Variants in ZNF608 observed in about 807,000 individuals in gnomAD.
ZNF608 encodes zinc finger protein 608.
ZNF608 carries 12 observed loss-of-function variants against 109.0 expected under a neutral mutation model. The observed-to-expected ratio is 0.11, with a 90% confidence interval of 0.07 to 0.18. The LOEUF is 0.18. ZNF608 is among the 10% of genes least tolerant of loss of function. The pLI is 1.00. For missense variants in ZNF608, 1,707 were observed against 1,879.3 expected, an observed-to-expected ratio of 0.91 and a Z score of 1.70; for synonymous variants, 732 against 717.4, an observed-to-expected ratio of 1.02 and a Z score of -0.33.
chr5:124,733,300 A>G (rs868029909), intron 2 of ZNF608, among the ~76,000 whole-genome samples: 1 of 149,140 alleles, frequency 6.7e-6, no homozygotes, highest in Non-Finnish European at 1.5e-5. Flanking sequence ...AGCTCTCCCA[A>G]TGGTTAAAAA....
At chr5:124,689,670 A>G (rs1051016212) in intron 3 of ZNF608, among the ~76,000 whole-genome samples, 4 of 152,222 alleles carry the variant, frequency 2.6e-5, no homozygotes, top group Non-Finnish European at 5.9e-5. Context: ...AATTGTCAAG[A>G]AAGTTCACAT....
chr5:124,718,903 A>C (rs1167987619), intron 2 of ZNF608, among the ~76,000 whole-genome samples: 2 of 152,250 alleles, frequency 1.3e-5, no homozygotes, highest in East Asian at 1.9e-4. Context: ...TTTTTAAATT[A>C]ACATGCACAA....
At chr5:124,725,426 T>G (rs1258300342) in intron 2 of ZNF608, among the ~76,000 whole-genome samples, 1 of 152,098 alleles carries the variant, frequency 6.6e-6, no homozygotes, top group Non-Finnish European at 1.5e-5. Context: ...ATATTTTTAC[T>G]AGGTATTTTT....
Position 124,648,287 on chromosome 5 carries a change from T to A in ZNF608, c.2097A>T (p.Lys699Asn). Residue 699 changes from lysine to asparagine, a missense_variant, in exon 5 of 10, where the codon AAA becomes AAT. Physicochemically the swap from Lys to Asn is moderately conservative, Grantham distance 94. Coordinates refer to ENST00000513986, the MANE Select transcript of ZNF608 (RefSeq NM_020747.3). Reference protein sequence around the residue: ...ADGSLAAEMPKLEAEGLIDKK... With the variant: ...ADGSLAAEMPNLEAEGLIDKK... ...TGTCAATTAATCCTTCTGCTTCCAG[T>A]TTAGGCATCTCAGCAGCCAAACTGC... 6.2e-7 allele frequency: 1 copy of A among 1,614,210 alleles called. No individual in the cohort carries two copies. The highest frequency in any genetic ancestry group is 8.5e-7 in the Non-Finnish European group (1 of 1,180,028).
chr5:124,669,495 C>CA (rs1188196952), intron 3 of ZNF608, among the ~76,000 whole-genome samples: 1 of 152,186 alleles, frequency 6.6e-6, no homozygotes, highest in African/African-American at 2.4e-5. Context: ...ATACTCAAAA[C>CA]AAATGGGCTG....
chr5:124,641,780 T>A (rs1444249302), intron 7 of ZNF608, among the ~76,000 whole-genome samples: 1 of 152,252 alleles, frequency 6.6e-6, no homozygotes, highest in African/African-American at 2.4e-5. Flanking sequence ...GTTTTCTAAT[T>A]ACACTTGTAT....
At position 124,647,340 on chromosome 5, in the gene ZNF608, C is replaced by T. The variant is rs1219579717; in HGVS notation, c.3044G>A (p.Gly1015Asp). The T allele has an allele frequency of 1.2e-6, 2 of 1,614,078 alleles. No homozygotes were observed. Among genetic ancestry groups the T allele is most frequent in the African/African-American group, 1.3e-5 (1 of 74,928 alleles). ...CCCACTATTTCCAGCTGCAGGGGCA[C>T]CGACCTGCCCAGGGTGCATGTAACT... is the stretch of plus-strand genomic sequence containing the variant. ...SPSYMHPGQV[G>D]APAAGNSGST... Residue 1015 changes from glycine to aspartate, a missense_variant, in exon 5 of 10, where the codon GGT becomes GAT. Physicochemically the swap from Gly to Asp is moderately conservative, Grantham distance 94. Coordinates refer to ENST00000513986, the MANE Select transcript of ZNF608 (RefSeq NM_020747.3).
intron 3 of ZNF608, among the ~76,000 whole-genome samples, chr5:124,674,769 C>A (rs1251022846): frequency 6.6e-6 from 1 of 152,110 alleles, no homozygotes; most frequent in Non-Finnish European, 1.5e-5. Context: ...CACCACCACA[C>A]CTGGCTAATT....
intron 3 of ZNF608, among the ~76,000 whole-genome samples, chr5:124,681,023 A>G (rs1367105727): frequency 2.0e-5 from 3 of 152,220 alleles, no homozygotes; most frequent in Admixed American, 2.0e-4. Flanking sequence ...TTCAACTTCT[A>G]CATAAAATGA....
chr5:124,723,917 T>C (rs1272541725), intron 2 of ZNF608, among the ~76,000 whole-genome samples: 2 of 152,068 alleles, frequency 1.3e-5, no homozygotes, highest in African/African-American at 4.8e-5. Flanking sequence ...GGTTATAAAT[T>C]ATCAATATTT....
chr5:124,711,895 C>T (rs142702275), intron 2 of ZNF608, among the ~76,000 whole-genome samples: 16 of 152,118 alleles, frequency 1.1e-4, no homozygotes, highest in South Asian at 1.0e-3. Flanking sequence ...AGTAGGGGCA[C>T]GGAAGGATTC....
intron 3 of ZNF608, among the ~76,000 whole-genome samples, chr5:124,688,761 T>C (rs146031074): frequency 6.6e-6 from 1 of 152,348 alleles, no homozygotes; most frequent in African/African-American, 2.4e-5. Flanking sequence ...CCATTGTTAA[T>C]GGAATTTAAA....
At chr5:124,704,634 C>T (rs182778006) in intron 2 of ZNF608, among the ~76,000 whole-genome samples, 75 of 152,168 alleles carry the variant, frequency 4.9e-4, no homozygotes, top group African/African-American at 1.7e-3. Context: ...TAAATTTCTC[C>T]TATTTCGTAA....
intron 3 of ZNF608, 108 bp from the exon 4 acceptor site, chr5:124,649,805 A>C: frequency 3.8e-5 from 25 of 661,810 alleles, no homozygotes; most frequent in East Asian, 6.1e-5. Context: ...TTCTATTCTC[A>C]TTTGCTTTTA....
rs149732538 is a variant in ZNF608, at chr5:124,680,869, G to A, written c.1162+20145C>T. On this transcript the variant is annotated intron_variant, in intron 3 of 9. Coordinates refer to ENST00000513986, the MANE Select transcript of ZNF608 (RefSeq NM_020747.3). ...ATAACCAAAATAGAAAATAAAAAGC[G>A]CTTAGAAATTAAAAACTACATGAGG... Among the ~76,000 whole-genome samples, 1,072 of 152,022 alleles carry A rather than the reference G, an allele frequency of 7.1e-3. 7 individuals are homozygous for A. Among genetic ancestry groups the A allele is most frequent in the Middle Eastern group, 0.031 (9 of 292 alleles).
chr5:124,698,444 A>G (rs764936994), intron 3 of ZNF608, among the ~76,000 whole-genome samples: 1 of 152,196 alleles, frequency 6.6e-6, no homozygotes, highest in Non-Finnish European at 1.5e-5. Context: ...CCTTCTTGTC[A>G]CCACAGTAAA....
chr5:124,701,347 T>C lies in ZNF608; in HGVS notation c.907-78A>G, dbSNP rs550713783. ...TAATGCAATTTGCTTATATCACTTC[T>C]AGAATATATCACCATTCCAAATTCC... On this transcript the variant is annotated intron_variant, in intron 2 of 9. Transcript: ENST00000513986. 20 of 1,525,932 alleles carry C rather than the reference T, an allele frequency of 1.3e-5. No individual in the cohort carries two copies. In the African/African-American group the frequency reaches 1.8e-4, roughly 14 times the overall value. 94.5% of individuals were successfully genotyped at this position (1,525,932 alleles called of 1,614,324 possible).
At chr5:124,689,289 A>AT (rs1032430111) in intron 3 of ZNF608, among the ~76,000 whole-genome samples, 5 of 151,834 alleles carry the variant, frequency 3.3e-5, no homozygotes, top group African/African-American at 1.2e-4. Flanking sequence ...TCTAAAATAA[A>AT]TTTTTTTTAA....
Position 124,637,900 on chromosome 5 carries a change from T to C in ZNF608, c.4539A>G (p.Ter1513=), listed in dbSNP as rs1430031172. Residue 1513 remains the stop codon, a stop_retained_variant, in exon 10 of 10, where the codon TAA becomes TAG. Coordinates refer to ENST00000513986, the MANE Select transcript of ZNF608 (RefSeq NM_020747.3). ...ATGACAATGTACATGTCCAATCTTG[T>C]TATTCTCTGCAAAAGAAAAGCAAAC... is the stretch of plus-strand genomic sequence containing the variant. ...SGMFPGQRRE[*] 3.7e-6 allele frequency: 6 copies of C among 1,611,632 alleles called. No individual in the cohort carries two copies. The highest frequency in any genetic ancestry group is 5.1e-6 in the Non-Finnish European group (6 of 1,179,024).
Sources: allele counts gnomAD v4.1 joint callset (sites outside exome capture counted in the v4.1 genomes callset), GRCh38; gene constraint gnomAD v4.1.1; transcripts MANE v1.5; gene names NCBI Gene and HGNC (gene_info 2026-07-23, HGNC 2026-07-21).